Variants in SLC52A1 observed in about 807,000 individuals in gnomAD.
SLC52A1 encodes the protein solute carrier family 52, riboflavin transporter, member 1.
SLC52A1 carries 20 observed loss-of-function variants against 23.2 expected under a neutral mutation model. The observed-to-expected ratio is 0.86, with a 90% confidence interval of 0.61 to 1.25. SLC52A1 has a LOEUF of 1.25. SLC52A1 is among the 50% of genes most tolerant of loss of function. The pLI is 0.00. For synonymous variants in SLC52A1, 260 were observed against 256.6 expected, an observed-to-expected ratio of 1.01 and a Z score of -0.13; for missense variants, 528 against 557.0, an observed-to-expected ratio of 0.95 and a Z score of 0.52.
In SLC52A1 at chr17:5,034,484, A is replaced by G. The variant is rs372498524; in HGVS notation, c.123T>C (p.Leu41=). 6 of 1,614,080 alleles carry G rather than the reference A, an allele frequency of 3.7e-6. No individual in the cohort carries two copies. The African/African-American group carries it at 5.3e-5, about 14-fold the overall frequency. The change falls in exon 2 of 5, where the codon CTT becomes CTC. Residue 41 remains leucine, a synonymous_variant. Transcript: ENST00000254853. ...WVELPVVVKD[L]PEGWSLPSYL... ...TACCTCCCTCCCACTCACCCTCTGGAAGGTCTTTTACCACCACAGGCAGCT... is the reference window on the plus strand; with the variant it reads ...TACCTCCCTCCCACTCACCCTCTGGGAGGTCTTTTACCACCACAGGCAGCT...
upstream of SLC52A1, among the ~76,000 whole-genome samples, chr17:5,037,262 G>A (rs1406315673): frequency 6.6e-6 from 1 of 152,216 alleles, no homozygotes; most frequent in East Asian, 1.9e-4. Context: ...GCTCACGCCT[G>A]TAATCCCAAC....
At chr17:5,039,368 A>G (rs1024554429), upstream of SLC52A1, among the ~76,000 whole-genome samples, 1 of 151,924 alleles carries the variant, frequency 6.6e-6, no homozygotes, top group Non-Finnish European at 1.5e-5. Flanking sequence ...TTCCACAGGT[A>G]GGGAGCAGAG....
Position 5,033,056 on chromosome 17 carries a change from T to C in SLC52A1, c.1248A>G (p.Gln416=), listed in dbSNP as rs761023464. The stretch of plus-strand genomic sequence containing the variant: ...CACCGGCACCAAGCAGGGAGCCCAC[T>C]TGGATGGCCACACCAGCTGCCAGCA... ...PALLAAGVAI[Q]VGSLLGAGAM... is the part of the protein sequence containing the mutation. The change falls in exon 5 of 5, where the codon CAA becomes CAG. Residue 416 remains glutamine (Q), a synonymous_variant. Transcript: ENST00000254853. 2.3e-5 allele frequency: 37 copies of C among 1,613,598 alleles called. No individual in the cohort carries two copies. The highest frequency in any genetic ancestry group is 2.7e-5 in the Non-Finnish European group (32 of 1,180,016).
chr17:5,032,833 T>C lies in SLC52A1; in HGVS notation c.*124A>G, dbSNP rs1975342268. On this transcript the variant is annotated 3_prime_UTR_variant, in exon 5 of 5. Coordinates refer to ENST00000254853, the MANE Select transcript of SLC52A1 (RefSeq NM_017986.4). ...TCACATGCCAACGTCTTCTGTGGAGTGTGCAGGTGTCCATGAGCGTTCCTG... is the reference window on the plus strand; with the variant it reads ...TCACATGCCAACGTCTTCTGTGGAGCGTGCAGGTGTCCATGAGCGTTCCTG... 6 of 839,068 alleles carry C rather than the reference T, an allele frequency of 7.2e-6. No homozygotes were observed. Among genetic ancestry groups the C allele is most frequent in the African/African-American group, 1.7e-5 (1 of 58,830 alleles). 52.0% of individuals were successfully genotyped at this position (839,068 alleles called of 1,614,324 possible). A position where few individuals can be genotyped will look rare whatever the true frequency, so the allele number is the denominator to read the frequency against.
rs745839460 is a variant in SLC52A1 at position 5,033,834 on chromosome 17, G to T, written c.655C>A (p.Pro219Thr). Reference protein sequence around the residue: ...AAFRGLLLLLPSLPSVTTGGS... With the variant: ...AAFRGLLLLLTSLPSVTTGGS... ...CCTGTGGTTACAGAGGGTAGTGATG[G>T]CAACAGCAACAGGAGACCCCGGAAG... Residue 219 changes from proline to threonine, a missense_variant, in exon 3 of 5, where the codon CCA becomes ACA. Transcript: ENST00000254853. The T allele has an allele frequency of 1.2e-6, 2 of 1,614,224 alleles. No individual in the cohort carries two copies. The highest frequency in any genetic ancestry group is 8.5e-7 in the Non-Finnish European group (1 of 1,180,038).
Position 5,032,713 on chromosome 17 carries a change from C to T in SLC52A1, c.*244G>A, listed in dbSNP as rs908692162. The T allele has an allele frequency of 2.2e-5, 10 of 453,672 alleles. No homozygotes were observed. In the Admixed American group the frequency reaches 3.6e-4, roughly 16 times the overall value. 28.1% of individuals were successfully genotyped at this position (453,672 alleles called of 1,614,324 possible). ...GGTTTTAAATAAAAACACTTTATTGCACAAATCCCACAAAGGTCTCAGGCC... is the reference window on the plus strand; with the variant it reads ...GGTTTTAAATAAAAACACTTTATTGTACAAATCCCACAAAGGTCTCAGGCC... On this transcript the variant is annotated 3_prime_UTR_variant, in exon 5 of 5. Transcript: ENST00000254853.
Position 5,034,275 on chromosome 17 carries a change from C to A in SLC52A1, c.214G>T (p.Ala72Ser). 1.9e-6 allele frequency: 3 copies of A among 1,608,766 alleles called. No homozygotes were observed. The highest frequency in any genetic ancestry group is 8.5e-7 in the Non-Finnish European group (1 of 1,176,830). Residue 72 changes from alanine (A) to serine (S), a missense_variant, in exon 3 of 5, where the codon GCC becomes TCC. Coordinates refer to ENST00000254853, the MANE Select transcript of SLC52A1 (RefSeq NM_017986.4). ...LLVVTLWRQL[A>S]PGKGEQVPIQ... ...GGGACCTGCTCGCCCTTGCCCGGGGCCAGCTGCCTCCACAGGGTCACCACC... is the reference window on the plus strand; with the variant it reads ...GGGACCTGCTCGCCCTTGCCCGGGGACAGCTGCCTCCACAGGGTCACCACC...
chr17:5,034,508 C>T lies in SLC52A1; in HGVS notation c.99G>A (p.Glu33=), dbSNP rs758677916. ...GAAGGTCTTTTACCACCACAGGCAGCTCCACCCAGATCCCGTTCACAGCAG... is the reference window on the plus strand; with the variant it reads ...GAAGGTCTTTTACCACCACAGGCAGTTCCACCCAGATCCCGTTCACAGCAG... ...SWAAVNGIWV[E]LPVVVKDLPE... The change falls in exon 2 of 5, where the codon GAG becomes GAA. Residue 33 remains glutamate, a synonymous_variant. Transcript: ENST00000254853. 6.2e-7 allele frequency: 1 copy of T among 1,614,230 alleles called. No homozygotes were observed. Among genetic ancestry groups the T allele is most frequent in the Admixed American group, 1.7e-5 (1 of 60,024 alleles).
chr17:5,039,679 C>T (rs1205397538), upstream of SLC52A1, among the ~76,000 whole-genome samples: 1 of 152,112 alleles, frequency 6.6e-6, no homozygotes, highest in Non-Finnish European at 1.5e-5. Context: ...ACCATGTTGG[C>T]CAGGCTGGTC....
intron 1 of SLC52A1, among the ~76,000 whole-genome samples, chr17:5,040,488 C>A (rs889136550): frequency 6.6e-6 from 1 of 152,016 alleles, no homozygotes; most frequent in Non-Finnish European, 1.5e-5. Context: ...TTTGTTCTTG[C>A]GTGGGGTGAG....
At position 5,033,164 on chromosome 17, in the gene SLC52A1, C is replaced by T. The variant is rs1975357082; in HGVS notation, c.1140G>A (p.Leu380=). The T allele has an allele frequency of 1.2e-6, 2 of 1,613,862 alleles. No individual in the cohort carries two copies. The highest frequency in any genetic ancestry group is 8.5e-7 in the Non-Finnish European group (1 of 1,179,906). ...ACACACACAGACACAGCACCCACGA[C>T]AGCACCTGCAAGGGAGGACACAGCA... The part of the protein sequence containing the change: ...GTTAGVVLVV[L]SWVLCLCVFS... The change falls in exon 5 of 5, where the codon CTG becomes CTA. Residue 380 remains leucine (L), a synonymous_variant. Transcript: ENST00000254853.
chr17:5,041,265 C>A (rs1597882560), intron 1 of SLC52A1, among the ~76,000 whole-genome samples: 2 of 151,948 alleles, frequency 1.3e-5, no homozygotes, highest in African/African-American at 4.8e-5. Context: ...TAATTTTTTA[C>A]TTTTATTTTT....
At position 5,034,152 on chromosome 17, in the gene SLC52A1, C is replaced by T; in HGVS notation, c.337G>A (p.Ala113Thr). Residue 113 changes from alanine (A) to threonine (T), a missense_variant, in exon 3 of 5, where the codon GCC becomes ACC. Coordinates refer to ENST00000254853, the MANE Select transcript of SLC52A1 (RefSeq NM_017986.4). ...AACACCAAGGCCAGAGTTAGGAAGG[C>T]CACAGAGTGGAGCTGCCCTGCCACT... ...APVAGQLHSV[A>T]FLTLALVLAM... is the part of the protein sequence containing the mutation. The T allele has an allele frequency of 6.2e-7, 1 of 1,614,196 alleles. No individual in the cohort carries two copies. The highest frequency in any genetic ancestry group is 8.5e-7 in the Non-Finnish European group (1 of 1,180,024).
In SLC52A1 at chr17:5,033,302, AG is replaced by A. The variant is rs746180756; in HGVS notation, c.1092del (p.Cys365AlafsTer28). 10 of 1,554,746 alleles carry A rather than the reference AG, an allele frequency of 6.4e-6. No individual in the cohort carries two copies. The African/African-American group carries it at 8.3e-5, about 13-fold the overall frequency. Reference protein sequence around the residue: ...AYLMALAILSPCPPLVGTTAG... With the variant: ...AYLMALAILSXCPPLVGTTAG... ...GCAGTGGTGCCCACCAGGGGTGGGC[AG>A]GGGCTCAGGATTGCCAGTGCCATCA... is the stretch of plus-strand genomic sequence containing the variant. On this transcript the variant is annotated frameshift_variant, in exon 4 of 5. Coordinates refer to ENST00000254853, the MANE Select transcript of SLC52A1 (RefSeq NM_017986.4). LOFTEE classifies it low-confidence loss of function (END_TRUNC).
chr17:5,035,873 A>AT (rs71149503), upstream of SLC52A1, among the ~76,000 whole-genome samples: 5,946 of 45,320 alleles, frequency 0.13, 1,434 homozygotes, highest in East Asian at 0.24. Context: ...TGTCCAGCTA[A>AT]TTTTTTTTTT....
Position 5,032,819 on chromosome 17 carries a change from C to T in SLC52A1, c.*138G>A. On this transcript the variant is annotated 3_prime_UTR_variant, in exon 5 of 5. Coordinates refer to ENST00000254853, the MANE Select transcript of SLC52A1 (RefSeq NM_017986.4). ...TGCCCACCCTGGCCTCACATGCCAACGTCTTCTGTGGAGTGTGCAGGTGTC... is the reference window on the plus strand; with the variant it reads ...TGCCCACCCTGGCCTCACATGCCAATGTCTTCTGTGGAGTGTGCAGGTGTC... 5.1e-6 allele frequency: 4 copies of T among 784,900 alleles called. No individual in the cohort carries two copies. The highest frequency in any genetic ancestry group is 1.8e-5 in the South Asian group (1 of 56,534). The allele number at this position is 784,900 out of a possible 1,614,324, so 48.6% of individuals were successfully genotyped here.
Position 5,033,373 on chromosome 17 carries a change from C to T in SLC52A1, c.1022G>A (p.Gly341Glu). The change falls in exon 4 of 5, where the codon GGG becomes GAG. Residue 341 changes from glycine (G) to glutamate (E), a missense_variant. By Grantham distance (98) the Gly-to-Glu change is moderately conservative. Transcript: ENST00000254853. ...AMGVLCRSLA[G>E]LVGLSLLGML... Reference sequence around the variant, plus strand: ...GCCCAGCAGAGAAAGACCAACCAGCCCTGCCAGGGACCTGTTGGGGATGAG... The same window carrying T: ...GCCCAGCAGAGAAAGACCAACCAGCTCTGCCAGGGACCTGTTGGGGATGAG... The T allele has an allele frequency of 1.2e-6, 2 of 1,614,158 alleles. No individual in the cohort carries two copies. The highest frequency in any genetic ancestry group is 1.7e-6 in the Non-Finnish European group (2 of 1,180,024).
chr17:5,036,493 G>C (rs1162328761), upstream of SLC52A1, among the ~76,000 whole-genome samples: 1 of 127,308 alleles, frequency 7.9e-6, no homozygotes, highest in Non-Finnish European at 1.6e-5. Flanking sequence ...CTCACTGCAA[G>C]CTCCACCTTC....
Position 5,033,894 on chromosome 17 carries a change from C to T in SLC52A1, c.595G>A (p.Ala199Thr), listed in dbSNP as rs1341929786. 6.2e-7 allele frequency: 1 copy of T among 1,614,198 alleles called. No individual in the cohort carries two copies. Among genetic ancestry groups the T allele is most frequent in the Admixed American group, 1.7e-5 (1 of 60,028 alleles). Reference sequence around the variant, plus strand: ...GAAGTGACCAGAAGGGCAGTCAGTGCCCAGAAGAAGGTGCTGGCAGGAAAA... The same window carrying T: ...GAAGTGACCAGAAGGGCAGTCAGTGTCCAGAAGAAGGTGCTGGCAGGAAAA... ...ERFPASTFFWALTALLVTSAA... is the reference protein window; with the variant it reads ...ERFPASTFFWTLTALLVTSAA... The change falls in exon 3 of 5, where the codon GCA (alanine) becomes ACA (threonine). Residue 199 changes from alanine (A) to threonine (T), a missense_variant. By Grantham distance (58) the Ala-to-Thr change is moderately conservative (BLOSUM62 0). Coordinates refer to ENST00000254853, the MANE Select transcript of SLC52A1 (RefSeq NM_017986.4).
Sources: allele counts gnomAD v4.1 joint callset (sites outside exome capture counted in the v4.1 genomes callset), GRCh38; gene constraint gnomAD v4.1.1; transcripts MANE v1.5; gene names NCBI Gene and HGNC (gene_info 2026-07-23, HGNC 2026-07-21).